The following NRDE2 variants were observed in gnomAD, a reference collection of about 807,000 sequenced individuals.
NRDE2 encodes nuclear exosome regulator NRDE2.
A neutral mutation model predicts 124.2 loss-of-function variants in NRDE2; 76 were observed. The observed-to-expected ratio is 0.61, with a 90% confidence interval of 0.51 to 0.74. The LOEUF (loss-of-function observed/expected upper bound fraction) is 0.74, where lower values mean the gene tolerates loss of function less well. Ranked by LOEUF, NRDE2 falls within the 30% of genes least tolerant of loss-of-function variation. NRDE2 has a pLI of 0.00. For missense variants in NRDE2, 1,314 were observed against 1,417.3 expected (o/e 0.93, Z 1.17); for synonymous variants, 489 against 528.1 (o/e 0.93, Z 1.01).
intron 1 of NRDE2, among the ~76,000 whole-genome samples, chr14:90,329,361 C>A (rs7154695): frequency 6.6e-6 from 1 of 151,920 alleles, no homozygotes; most frequent in Non-Finnish European, 1.5e-5. Context: ...ATACACTTCC[C>A]CCATTTTATT....
intron 6 of NRDE2, among the ~76,000 whole-genome samples, chr14:90,302,487 C>G (rs2139689460): frequency 6.6e-6 from 1 of 152,282 alleles, no homozygotes; most frequent in East Asian, 1.9e-4. Context: ...GGCTAATCAG[C>G]AGAACCTTGT....
chr14:90,301,541 T>TCTCACACAG (rs1252103471), intron 6 of NRDE2, among the ~76,000 whole-genome samples, 169 bp from the exon 7 acceptor site: 12 of 152,344 alleles, frequency 7.9e-5, no homozygotes, highest in African/African-American at 2.9e-4. Flanking sequence ...TCACACAGTA[T>TCTCACACAG]TATAATCCAA....
chr14:90,314,543 A>G (rs1002294984), intron 3 of NRDE2, among the ~76,000 whole-genome samples: 3 of 152,244 alleles, frequency 2.0e-5, no homozygotes, highest in African/African-American at 7.2e-5. Flanking sequence ...CTATCCTTCA[A>G]GTTCTAAAGA....
intron 12 of NRDE2, chr14:90,281,235 T>G (rs1209034645): frequency 6.5e-6 from 1 of 152,820 alleles, no homozygotes; most frequent in Non-Finnish European, 1.5e-5. Context: ...GAGACCAGCC[T>G]GGGCAACATG....
At position 90,273,744 on chromosome 14, in the gene NRDE2, G is replaced by A. The variant is rs1891728249; in HGVS notation, c.*4592C>T. 2 of 154,674 alleles carry A rather than the reference G, an allele frequency of 1.3e-5. No individual in the cohort carries two copies. Among genetic ancestry groups the A allele is most frequent in the Admixed American group, 1.3e-4 (2 of 15,276 alleles). The allele number at this position is 154,674 out of a possible 1,614,324, so 9.6% of individuals were successfully genotyped here. A position where few individuals can be genotyped will look rare whatever the true frequency, so the allele number is the denominator to read the frequency against. ...GCAGAATTTAATTTCTTGGAGTTGT[G>A]GGCCAGCTGAGGTCAGCATTTCCTT... On this transcript the variant is annotated 3_prime_UTR_variant, in exon 14 of 14. Transcript: ENST00000354366.
intron 4 of NRDE2, among the ~76,000 whole-genome samples, chr14:90,310,626 T>A (rs907234930): frequency 1.3e-5 from 2 of 150,956 alleles, no homozygotes; most frequent in Non-Finnish European, 2.9e-5. Flanking sequence ...GTTCAAGCAA[T>A]CATCCTGCCT....
At chr14:90,318,626 AC>A (rs1447773040) in intron 1 of NRDE2, among the ~76,000 whole-genome samples, 1 of 151,904 alleles carries the variant, frequency 6.6e-6, no homozygotes, top group Non-Finnish European at 1.5e-5. Flanking sequence ...ACGGTGAAAA[AC>A]CATCTCTACT....
At chr14:90,323,399 A>G (rs1351892733) in intron 1 of NRDE2, among the ~76,000 whole-genome samples, 1 of 152,254 alleles carries the variant, frequency 6.6e-6, no homozygotes. Flanking sequence ...AAAATATCCA[A>G]GTTCTACATC....
At chr14:90,316,353 T>C (rs1885047294) in intron 3 of NRDE2, among the ~76,000 whole-genome samples, 1 of 152,206 alleles carries the variant, frequency 6.6e-6, no homozygotes, top group Admixed American at 6.5e-5. Flanking sequence ...CAAAGACTTT[T>C]TGTCTAAAAG....
intron 8 of NRDE2, 23 bp downstream of exon 8, chr14:90,298,237 G>A (rs1396328574): frequency 5.6e-6 from 9 of 1,610,842 alleles, no homozygotes; most frequent in Non-Finnish European, 7.6e-6. Context: ...AGAAGTACAC[G>A]TCTTCAATGA....
chr14:90,284,469 G>A (rs1464636664), intron 12 of NRDE2, among the ~76,000 whole-genome samples: 1 of 151,588 alleles, frequency 6.6e-6, no homozygotes, highest in Non-Finnish European at 1.5e-5. Flanking sequence ...TGGTTCAAGC[G>A]ATTCTCCTGC....
chr14:90,330,057 A>G (rs1336787382), intron 1 of NRDE2, among the ~76,000 whole-genome samples: 1 of 150,640 alleles, frequency 6.6e-6, no homozygotes, highest in Non-Finnish European at 1.5e-5. Context: ...CAATACAAAA[A>G]TTAGCCGGGC....
chr14:90,297,138 C>CAAAAAAAAA (rs1005635833), intron 8 of NRDE2, among the ~76,000 whole-genome samples: 1 of 82,770 alleles, frequency 1.2e-5, no homozygotes, highest in Non-Finnish European at 2.5e-5. Flanking sequence ...GACTCTGTCT[C>CAAAAAAAAA]AAAAAAAAAA....
intron 1 of NRDE2, among the ~76,000 whole-genome samples, chr14:90,322,656 C>A (rs539551549): frequency 2.6e-4 from 40 of 152,258 alleles, no homozygotes; most frequent in African/African-American, 9.1e-4. Flanking sequence ...CACACCCAGG[C>A]ACAGGTCTAG....
In NRDE2 at chr14:90,298,339, C is replaced by G. The variant is rs1202992082; in HGVS notation, c.1587G>C (p.Arg529=). 4 of 1,613,680 alleles carry G rather than the reference C, an allele frequency of 2.5e-6. No individual in the cohort carries two copies. In the African/African-American group the frequency reaches 5.3e-5, roughly 22 times the overall value. ...FEPFWDSGEP[R]AGEKGARGWK... is the part of the protein sequence containing the mutation. ...AGCCTCGGGCTCCCTTCTCCCCAGC[C>G]CGGGGCTCTCCACTGTCCCAAAAGG... is the stretch of plus-strand genomic sequence containing the variant. The change falls in exon 8 of 14, where the codon CGG becomes CGC. Residue 529 remains arginine, a synonymous_variant. Coordinates refer to ENST00000354366, the MANE Select transcript of NRDE2 (RefSeq NM_017970.4).
intron 4 of NRDE2, among the ~76,000 whole-genome samples, chr14:90,310,244 CCT>C (rs1012892594): frequency 2.0e-5 from 3 of 152,128 alleles, no homozygotes; most frequent in Admixed American, 6.5e-5. Flanking sequence ...TACCACACAC[CCT>C]GTCTCATCTT....
chr14:90,308,377 G>A (rs920268474), intron 4 of NRDE2, among the ~76,000 whole-genome samples: 1 of 152,130 alleles, frequency 6.6e-6, no homozygotes, highest in African/African-American at 2.4e-5. Flanking sequence ...GGGAGTAGAG[G>A]ATGTGCTACT....
At chr14:90,322,732 A>C (rs769531627) in intron 1 of NRDE2, among the ~76,000 whole-genome samples, 2 of 152,230 alleles carry the variant, frequency 1.3e-5, no homozygotes, top group Non-Finnish European at 2.9e-5. Flanking sequence ...TATAACCTTC[A>C]CTGTCAAATA....
At position 90,278,677 on chromosome 14, in the gene NRDE2, C is replaced by A. The variant is rs113441571; in HGVS notation, c.3370-216G>T. ...AAAAGTGAGCAAACGCCAAGCGAGG[C>A]CTTCTCTTTTAAAAGGGGTCCAGGA... On this transcript the variant is annotated intron_variant, in intron 13 of 13. Transcript: ENST00000354366. 2,476 of 579,044 alleles carry A rather than the reference C, an allele frequency of 4.3e-3. 41 individuals are homozygous for A. Among genetic ancestry groups the A allele is most frequent in the Non-Finnish European group, 2.1e-3 (678 of 329,644 alleles). 35.9% of individuals were successfully genotyped at this position (579,044 alleles called of 1,614,324 possible). A position where few individuals can be genotyped will look rare whatever the true frequency, so the allele number is the denominator to read the frequency against.
Sources: allele counts gnomAD v4.1 joint callset (sites outside exome capture counted in the v4.1 genomes callset), GRCh38; gene constraint gnomAD v4.1.1; transcripts MANE v1.5; gene names NCBI Gene and HGNC (gene_info 2026-07-23, HGNC 2026-07-21).